The following UNC93B1 variants were observed in gnomAD, a reference collection of about 807,000 sequenced individuals.
UNC93B1 encodes unc-93B1 regulator of TLR signaling.
A neutral mutation model predicts 56.8 loss-of-function variants in UNC93B1; 33 were observed. The observed-to-expected ratio is 0.58, with a 90% CI of 0.44 to 0.78. The LOEUF (loss-of-function observed/expected upper bound fraction) is 0.78, where lower values mean the gene tolerates loss of function less well. UNC93B1 is among the 30% of genes least tolerant of loss of function. The pLI is 0.00. For missense variants in UNC93B1, 673 were observed against 819.5 expected (o/e 0.82, Z 2.18); for synonymous variants, 334 against 358.6 (o/e 0.93, Z 0.77).
rs1458428961 is a variant in UNC93B1, at chr11:67,991,625, C to A, written c.1715G>T (p.Gly572Val). The change falls in exon 11 of 11, where the codon GGC becomes GTC. Residue 572 changes from glycine to valine, a missense_variant. Physicochemically the swap from Gly to Val is moderately radical, Grantham distance 109. Around this residue, in one of 3 missense-constraint regions of UNC93B1, gnomAD observed 80 missense variants for 85.3 expected, o/e 0.94. Transcript: ENST00000227471. The stretch of plus-strand genomic sequence containing the variant: ...GCGGCCGAGTCCAGCGGGCTCGGGG[C>A]CAGGCCTGGGCCCTGCGGGCGGCGC... ...EEAPPAGPRP[G>V]PEPAGLGRRP... 7 of 1,507,534 alleles carry A rather than the reference C, an allele frequency of 4.6e-6. No individual in the cohort carries two copies. The Admixed American group carries it at 1.5e-4, about 32-fold the overall frequency. The allele number at this position is 1,507,534 out of a possible 1,614,324, so 93.4% of individuals were successfully genotyped here. A position where few individuals can be genotyped will look rare whatever the true frequency, so the allele number is the denominator to read the frequency against.
intron 6 of UNC93B1, 85 bp from the exon 7 acceptor site, chr11:67,997,884 G>A: frequency 7.8e-6 from 12 of 1,543,858 alleles, no homozygotes; most frequent in Non-Finnish European, 1.0e-5. Context: ...CACGCAGGCC[G>A]CGGAGGAGCG....
chr11:67,997,900 G>C (rs1014962620), intron 6 of UNC93B1, 101 bp from the exon 7 acceptor site: 1 of 1,505,888 alleles, frequency 6.6e-7, no homozygotes, highest in African/African-American at 1.4e-5. Context: ...GAGCGGTGGA[G>C]GGCGGGAGAG....
intron 6 of UNC93B1, 74 bp from the exon 7 acceptor site, chr11:67,997,873 C>A: frequency 1.3e-6 from 2 of 1,560,442 alleles, no homozygotes; most frequent in African/African-American, 2.7e-5. Flanking sequence ...CAGGGTGGAG[C>A]CACGCAGGCC....
intron 9 of UNC93B1, 108 bp from the exon 10 acceptor site, chr11:67,993,902 C>T (rs201346714): frequency 6.2e-6 from 5 of 801,448 alleles, no homozygotes; most frequent in East Asian, 5.4e-5. Flanking sequence ...GTCCCAGCCC[C>T]GGACCAGAGA....
rs1374321962 is a variant in UNC93B1, at chr11:67,995,767, C to G, written c.1207G>C (p.Val403Leu). The change falls in exon 9 of 11, where the codon GTG becomes CTG. Residue 403 changes from valine (V) to leucine (L), a missense_variant. Coordinates refer to ENST00000227471, the MANE Select transcript of UNC93B1 (RefSeq NM_030930.4). The part of the protein sequence containing the change: ...GLLGLWLPRP[V>L]PLVAGAGVHL... ...ACCCCTGCTCCGGCCACCAGGGGCA[C>G]CGGGCGTGGCAGCCACAGGCCCAGC... 18 of 1,548,192 alleles carry G rather than the reference C, an allele frequency of 1.2e-5. No individual in the cohort carries two copies. Among genetic ancestry groups the G allele is most frequent in the Middle Eastern group, 2.3e-4 (1 of 4,378 alleles).
intron 9 of UNC93B1, among the ~76,000 whole-genome samples, chr11:67,994,957 G>T (rs538380390): frequency 6.6e-6 from 1 of 152,204 alleles, no homozygotes; most frequent in Non-Finnish European, 1.5e-5. Context: ...GGGCCCACCC[G>T]CTGCCTTCTG....
chr11:67,998,620 C>A (rs564127699), intron 5 of UNC93B1, among the ~76,000 whole-genome samples, 168 bp from the exon 6 acceptor site: 2 of 152,134 alleles, frequency 1.3e-5, no homozygotes, highest in Non-Finnish European at 2.9e-5. Context: ...CTCCTCCTGG[C>A]CAGCATTGTG....
At chr11:67,999,444 C>A (rs1047779237) in intron 4 of UNC93B1, 75 bp downstream of exon 4, 1 of 1,545,400 alleles carries the variant, frequency 6.5e-7, no homozygotes, top group Non-Finnish European at 8.7e-7. Flanking sequence ...CCTGTGGTCC[C>A]CCAGCCAAAG....
At position 67,991,792 on chromosome 11, in the gene UNC93B1, C is replaced by T. The variant is rs1347449902; in HGVS notation, c.1548G>A (p.Gln516=). 2.6e-6 allele frequency: 4 copies of T among 1,547,468 alleles called. No individual in the cohort carries two copies. Among genetic ancestry groups the T allele is most frequent in the Non-Finnish European group, 3.5e-6 (4 of 1,155,058 alleles). Residue 516 remains glutamine (Q), a synonymous_variant, in exon 11 of 11, where the codon CAG becomes CAA. Coordinates refer to ENST00000227471, the MANE Select transcript of UNC93B1 (RefSeq NM_030930.4). ...AAAVSYLRME[Q]KLRRGVAPRQ... is the part of the protein sequence containing the mutation. ...GCGGGGCCACGCCCCGGCGCAGCTT[C>T]TGCTCCATCCGCAGGTAGGAGACCG...
chr11:67,997,421 C>G (rs898902830), intron 7 of UNC93B1: 9 of 574,528 alleles, frequency 1.6e-5, no homozygotes, highest in Non-Finnish European at 2.7e-5. Context: ...AGCCTGTTCC[C>G]TCCTTCCCCT....
Position 67,998,450 on chromosome 11 carries a change from C to T in UNC93B1, c.690G>A (p.Leu230=), listed in dbSNP as rs1281902050. 1 of 1,613,882 alleles carries T rather than the reference C, an allele frequency of 6.2e-7. No individual in the cohort carries two copies. The highest frequency in any genetic ancestry group is 1.7e-5 in the Admixed American group (1 of 60,024). Residue 230 remains leucine, a splice_region_variant and synonymous_variant, in exon 6 of 11, where the codon CTG becomes CTA. Coordinates refer to ENST00000227471, the MANE Select transcript of UNC93B1 (RefSeq NM_030930.4). ...FQAIFYSFFH[L]SFACAQLPMI... Reference sequence around the variant, plus strand: ...TGGGCAGCTGGGCGCAGGCGAAGCTCAGCTGCAGAAACAAGGGCAGTTGGG... The same window carrying T: ...TGGGCAGCTGGGCGCAGGCGAAGCTTAGCTGCAGAAACAAGGGCAGTTGGG...
chr11:68,000,988 A>G (rs1279168404), intron 3 of UNC93B1, among the ~76,000 whole-genome samples: 1 of 152,118 alleles, frequency 6.6e-6, no homozygotes, highest in Non-Finnish European at 1.5e-5. Flanking sequence ...TGAGGTCAGA[A>G]GTTTGAGACC....
At chr11:67,993,161 G>A (rs1185801223) in intron 10 of UNC93B1, among the ~76,000 whole-genome samples, 2 of 151,768 alleles carry the variant, frequency 1.3e-5, no homozygotes, top group Non-Finnish European at 2.9e-5. Context: ...GCTAATTTTT[G>A]TATTTTTAGT....
chr11:67,996,467 A>G, intron 8 of UNC93B1, 135 bp downstream of exon 8: 2 of 1,240,888 alleles, frequency 1.6e-6, no homozygotes, highest in Non-Finnish European at 2.2e-6. Flanking sequence ...GGGAAGAGAA[A>G]GCAGGAGGGG....
At chr11:67,993,171 T>C (rs1177161648) in intron 10 of UNC93B1, among the ~76,000 whole-genome samples, 1 of 151,752 alleles carries the variant, frequency 6.6e-6, no homozygotes, top group Non-Finnish European at 1.5e-5. Flanking sequence ...GTATTTTTAG[T>C]AGAGACGAGG....
chr11:67,994,549 G>A (rs930902474), intron 9 of UNC93B1, among the ~76,000 whole-genome samples: 31 of 152,162 alleles, frequency 2.0e-4, no homozygotes, highest in Non-Finnish European at 3.8e-4. Flanking sequence ...CTGCTATGAA[G>A]AGACAAGGAC....
In UNC93B1 at chr11:68,003,768, A is replaced by G. The variant is rs1200521709; in HGVS notation, c.127T>C (p.Tyr43His). 2 of 1,518,456 alleles carry G rather than the reference A, an allele frequency of 1.3e-6. No individual in the cohort carries two copies. The highest frequency in any genetic ancestry group is 2.6e-5 in the East Asian group (1 of 38,434). The allele number at this position is 1,518,456 out of a possible 1,614,324, so 94.1% of individuals were successfully genotyped here. A position where few individuals can be genotyped will look rare whatever the true frequency, so the allele number is the denominator to read the frequency against. The change falls in exon 2 of 11, where the codon TAC (tyrosine) becomes CAC (histidine). Residue 43 changes from tyrosine (Y) to histidine (H), a missense_variant. Around this residue, in one of 3 missense-constraint regions of UNC93B1, gnomAD observed 438 missense variants for 465.9 expected, o/e 0.94. Coordinates refer to ENST00000227471, the MANE Select transcript of UNC93B1 (RefSeq NM_030930.4). This position sits in a 1 kb window ranked among gnomAD's most constrained non-coding sequence, Gnocchi z 4.4. ...CGGCGCTCCTCCTCCTCCTCGTTGT[A>G]GTTGGGGTACGCGCCCACCAGCTCG... ...LDELVGAYPNYNEEEEERRYY... is the reference protein window; with the variant it reads ...LDELVGAYPNHNEEEEERRYY...
intron 10 of UNC93B1, among the ~76,000 whole-genome samples, 160 bp downstream of exon 10, chr11:67,993,516 G>C (rs1440356622): frequency 6.6e-6 from 1 of 152,228 alleles, no homozygotes; most frequent in African/African-American, 2.4e-5. Flanking sequence ...CCAGTAAGTG[G>C]GGTGCTGAGT....
Position 67,996,885 on chromosome 11 carries a change from C to T in UNC93B1, c.907-101G>A, listed in dbSNP as rs1374072406. On this transcript the variant is annotated intron_variant, in intron 7 of 10. Coordinates refer to ENST00000227471, the MANE Select transcript of UNC93B1 (RefSeq NM_030930.4). ...TGCACCACGTGCCTGGGCCTTGCCC[C>T]AGCTCGGCCCCGCCTCCCAAACCAG... 3.7e-6 allele frequency: 5 copies of T among 1,367,364 alleles called. No individual in the cohort carries two copies. In the East Asian group the frequency reaches 1.3e-4, roughly 37 times the overall value. 84.7% of individuals were successfully genotyped at this position (1,367,364 alleles called of 1,614,324 possible). A position where few individuals can be genotyped will look rare whatever the true frequency, so the allele number is the denominator to read the frequency against.
Sources: allele counts gnomAD v4.1 joint callset (sites outside exome capture counted in the v4.1 genomes callset), GRCh38; gene constraint gnomAD v4.1.1; regional missense constraint gnomAD v4.1.1; non-coding constraint Gnocchi (gnomAD v3.1); transcripts MANE v1.5; gene names NCBI Gene and HGNC (gene_info 2026-07-23, HGNC 2026-07-21).